Variants in HAT1 observed in about 807,000 individuals in gnomAD.
HAT1 encodes histone acetyltransferase type B catalytic subunit.
HAT1 carries 20 observed loss-of-function variants against 56.6 expected under a neutral mutation model. The ratio of observed to expected loss-of-function variants is 0.35; its 90% CI spans 0.25 to 0.51. HAT1 has a LOEUF of 0.51. Ranked by LOEUF, HAT1 falls within the 20% of genes least tolerant of loss-of-function variation. The pLI is 0.95. For missense variants in HAT1, 408 were observed against 504.3 expected (o/e 0.81, Z 1.83); for synonymous variants, 146 against 165.5 (o/e 0.88, Z 0.91).
intron 8 of HAT1, among the ~76,000 whole-genome samples, chr2:171,968,155 G>A (rs1459682928): frequency 6.6e-6 from 1 of 152,112 alleles, no homozygotes; most frequent in Non-Finnish European, 1.5e-5. Flanking sequence ...GGAAACTCAG[G>A]AGATAAAGTA....
At chr2:171,960,695 A>C (rs1003290275) in intron 4 of HAT1, among the ~76,000 whole-genome samples, 10 of 152,000 alleles carry the variant, frequency 6.6e-5, no homozygotes, top group Admixed American at 6.6e-4. Context: ...GACACTGATG[A>C]TTTTTTCATC....
chr2:171,961,527 A>T (rs7575661), intron 4 of HAT1, among the ~76,000 whole-genome samples: 3 of 152,154 alleles, frequency 2.0e-5, no homozygotes, highest in African/African-American at 7.2e-5. Flanking sequence ...ATGAGAGCAG[A>T]TTTTAAAAAT....
At chr2:171,925,802 T>C (rs915368760) in intron 2 of HAT1, among the ~76,000 whole-genome samples, 161 bp downstream of exon 2, 3 of 152,230 alleles carry the variant, frequency 2.0e-5, no homozygotes, top group Non-Finnish European at 4.4e-5. Context: ...TCAGTTTTGA[T>C]TTATGTCATG....
At chr2:171,930,388 T>C (rs1422784857) in intron 2 of HAT1, among the ~76,000 whole-genome samples, 1 of 152,158 alleles carries the variant, frequency 6.6e-6, no homozygotes, top group African/African-American at 2.4e-5. Flanking sequence ...CAGACTGGTC[T>C]TGAACTTCTG....
intron 2 of HAT1, among the ~76,000 whole-genome samples, chr2:171,938,705 T>A (rs1406138068): frequency 6.6e-6 from 1 of 152,226 alleles, no homozygotes; most frequent in African/African-American, 2.4e-5. Context: ...TGCCTTGATT[T>A]TAATCCAGAA....
chr2:171,970,420 C>T (rs1407785418), intron 8 of HAT1, among the ~76,000 whole-genome samples: 1 of 148,798 alleles, frequency 6.7e-6, no homozygotes, highest in Non-Finnish European at 1.5e-5. Context: ...CACACAGATT[C>T]ACACACACAT....
At chr2:171,972,235 GT>G (rs1687834242) in intron 8 of HAT1, among the ~76,000 whole-genome samples, 2 of 146,126 alleles carry the variant, frequency 1.4e-5, no homozygotes, top group African/African-American at 5.0e-5. Context: ...TTGTTTGTTT[GT>G]TTTTGTTGTT....
chr2:171,974,095 C>G (rs967277674), intron 8 of HAT1, among the ~76,000 whole-genome samples: 1 of 142,180 alleles, frequency 7.0e-6, no homozygotes, highest in African/African-American at 2.6e-5. Flanking sequence ...GGGAGGATCA[C>G]TGGAGCCCAG....
At chr2:171,934,564 G>A (rs541159980) in intron 2 of HAT1, among the ~76,000 whole-genome samples, 2 of 152,160 alleles carry the variant, frequency 1.3e-5, no homozygotes, top group Non-Finnish European at 2.9e-5. Flanking sequence ...AGAAGAAGGC[G>A]TTGGAGATTT....
chr2:171,941,479 CTT>C (rs1464813482), intron 2 of HAT1, among the ~76,000 whole-genome samples: 1 of 152,150 alleles, frequency 6.6e-6, no homozygotes, highest in Non-Finnish European at 1.5e-5. Context: ...ATTATGGTCT[CTT>C]TGCAGTCAAA....
At chr2:171,968,367 T>G (rs1558977065) in intron 8 of HAT1, among the ~76,000 whole-genome samples, 1 of 152,174 alleles carries the variant, frequency 6.6e-6, no homozygotes, top group Non-Finnish European at 1.5e-5. Flanking sequence ...GATTTTAATG[T>G]GGAGTTCACA....
At chr2:171,948,019 T>G (rs535337121) in intron 3 of HAT1, among the ~76,000 whole-genome samples, 1 of 152,372 alleles carries the variant, frequency 6.6e-6, no homozygotes, top group East Asian at 1.9e-4. Flanking sequence ...TTGCAGAAAG[T>G]TGCAAGAATA....
intron 2 of HAT1, among the ~76,000 whole-genome samples, chr2:171,938,542 A>G (rs559715437): frequency 6.6e-6 from 1 of 152,238 alleles, no homozygotes; most frequent in Non-Finnish European, 1.5e-5. Flanking sequence ...GGGGTGATGG[A>G]TACAGTGACA....
chr2:171,961,012 C>T (rs1687558900), intron 4 of HAT1, among the ~76,000 whole-genome samples: 2 of 152,120 alleles, frequency 1.3e-5, no homozygotes, highest in Admixed American at 6.5e-5. Context: ...TGTTGTGGTG[C>T]GTGCTTGTGG....
intron 2 of HAT1, among the ~76,000 whole-genome samples, chr2:171,934,228 G>A (rs908983891): frequency 2.0e-5 from 3 of 152,154 alleles, no homozygotes; most frequent in African/African-American, 7.2e-5. Context: ...AGAAATAACA[G>A]CATGTTTATA....
intron 4 of HAT1, among the ~76,000 whole-genome samples, chr2:171,960,973 C>T (rs999026047): frequency 6.6e-6 from 1 of 152,116 alleles, no homozygotes; most frequent in African/African-American, 2.4e-5. Context: ...GAAACCTCAT[C>T]TCTACCAAAA....
chr2:171,927,655 T>C (rs1437610541), intron 2 of HAT1, among the ~76,000 whole-genome samples: 2 of 152,196 alleles, frequency 1.3e-5, no homozygotes, highest in African/African-American at 4.8e-5. Context: ...TGGTGCGATC[T>C]TGGTTCACTG....
intron 10 of HAT1, among the ~76,000 whole-genome samples, chr2:171,982,613 G>A (rs1460669988): frequency 6.6e-6 from 1 of 152,034 alleles, no homozygotes. Flanking sequence ...AAACCAGGAG[G>A]GTTTAGTATG....
At chr2:171,968,377 A>G (rs1359519615) in intron 8 of HAT1, among the ~76,000 whole-genome samples, 4 of 152,186 alleles carry the variant, frequency 2.6e-5, no homozygotes, top group South Asian at 2.1e-4. Context: ...TGGAGTTCAC[A>G]TAAGTAGTCT....
Sources: allele counts gnomAD v4.1 joint callset (sites outside exome capture counted in the v4.1 genomes callset), GRCh38; gene constraint gnomAD v4.1.1; transcripts MANE v1.5; gene names NCBI Gene and HGNC (gene_info 2026-07-23, HGNC 2026-07-21).